SRD5A2: variants seen among roughly 807,000 people sequenced by gnomAD.
The protein encoded by SRD5A2 is steroid 5 alpha-reductase 2.
In SRD5A2, 30 loss-of-function variants were observed where a neutral mutation model predicts 27.4. The observed-to-expected ratio is 1.10, with a 90% CI of 0.82 to 1.49. The LOEUF (loss-of-function observed/expected upper bound fraction) is 1.49. SRD5A2 is among the 40% of genes most tolerant of loss of function. The pLI is 0.00. For missense variants in SRD5A2, 348 were observed against 323.4 expected (o/e 1.08, Z -0.58); for synonymous variants, 141 against 133.6 (o/e 1.06, Z -0.38).
chr2:31,524,613 CA>C lies in SRD5A2; in HGVS notation c.*1582del. The C allele has an allele frequency of 8.7e-6, 2 of 230,062 alleles. No homozygotes were observed. Among genetic ancestry groups the C allele is most frequent in the East Asian group, 6.2e-5 (1 of 16,144 alleles). 14.3% of individuals were successfully genotyped at this position (230,062 alleles called of 1,614,324 possible). On this transcript the variant is annotated 3_prime_UTR_variant, in exon 5 of 5. Transcript: ENST00000622030. ...TGATTTAAAGGTATTTAATGAACAACAAAAACACTTATTTATATGATTGCAA... is the reference window on the plus strand; with the variant it reads ...TGATTTAAAGGTATTTAATGAACAACAAAACACTTATTTATATGATTGCAA...
At chr2:31,608,279 T>G in the SRD5A2 span, among the ~76,000 whole-genome samples, 1 of 152,036 alleles carries the variant, frequency 6.6e-6, no homozygotes, top group Non-Finnish European at 1.5e-5. Context: ...TGTGCAGTAG[T>G]GCATTGTAAT....
the SRD5A2 span, among the ~76,000 whole-genome samples, chr2:31,623,325 A>G: frequency 6.6e-6 from 1 of 152,154 alleles, no homozygotes; most frequent in Non-Finnish European, 1.5e-5. Flanking sequence ...TCATTTGCAA[A>G]AAAACATGGA....
At chr2:31,601,398 T>C in the SRD5A2 span, among the ~76,000 whole-genome samples, 4 of 151,688 alleles carry the variant, frequency 2.6e-5, no homozygotes, top group Non-Finnish European at 5.9e-5. Flanking sequence ...AGACCAAAAA[T>C]GAGTTCTGAA....
the SRD5A2 span, among the ~76,000 whole-genome samples, chr2:31,596,275 C>A: frequency 6.6e-6 from 1 of 151,596 alleles, no homozygotes; most frequent in Non-Finnish European, 1.5e-5. Context: ...GTAGTCCCAG[C>A]CACTTGAGAG....
At chr2:31,587,988 A>C in the SRD5A2 span, among the ~76,000 whole-genome samples, 2 of 152,200 alleles carry the variant, frequency 1.3e-5, no homozygotes, top group East Asian at 3.9e-4. Context: ...AGAATGCATC[A>C]GAATCTTTTC....
the SRD5A2 span, among the ~76,000 whole-genome samples, chr2:31,606,317 G>A: frequency 6.6e-6 from 1 of 151,916 alleles, no homozygotes; most frequent in East Asian, 1.9e-4. Context: ...TGTAACACAA[G>A]GCATAAATGC....
At chr2:31,649,149 G>T in the SRD5A2 span, among the ~76,000 whole-genome samples, 1 of 152,166 alleles carries the variant, frequency 6.6e-6, no homozygotes, top group Non-Finnish European at 1.5e-5. Context: ...TAACTGGTTA[G>T]CAGTGCTATG....
chr2:31,526,757 G>T (rs994331579), intron 4 of SRD5A2, among the ~76,000 whole-genome samples: 1 of 152,022 alleles, frequency 6.6e-6, no homozygotes, highest in Non-Finnish European at 1.5e-5. Flanking sequence ...ATTTTGTCTC[G>T]TCAAAAGATA....
At chr2:31,585,254 C>T (rs774927532), upstream of SRD5A2, among the ~76,000 whole-genome samples, 29 of 152,120 alleles carry the variant, frequency 1.9e-4, no homozygotes, top group Non-Finnish European at 4.0e-4. Context: ...TTAGACAAGT[C>T]CTAGTACTGA....
chr2:31,528,014 G>A (rs1342329989), intron 4 of SRD5A2, among the ~76,000 whole-genome samples: 1 of 152,142 alleles, frequency 6.6e-6, no homozygotes, highest in Non-Finnish European at 1.5e-5. Flanking sequence ...ATTTACACTT[G>A]GCAAGTTAAA....
intron 1 of SRD5A2, among the ~76,000 whole-genome samples, chr2:31,539,155 T>C (rs1029660101): frequency 3.3e-5 from 5 of 152,174 alleles, no homozygotes; most frequent in African/African-American, 7.2e-5. Flanking sequence ...GAGAAGATTC[T>C]AAAAGTTGGA....
chr2:31,546,701 C>T (rs1239622055), intron 1 of SRD5A2, among the ~76,000 whole-genome samples: 5 of 152,144 alleles, frequency 3.3e-5, no homozygotes, highest in African/African-American at 1.2e-4. Flanking sequence ...TGCTCACTAA[C>T]TGGGTGATGG....
At chr2:31,533,428 T>C (rs1323377071) in intron 2 of SRD5A2, among the ~76,000 whole-genome samples, 175 bp downstream of exon 2, 1 of 152,180 alleles carries the variant, frequency 6.6e-6, no homozygotes, top group Non-Finnish European at 1.5e-5. Flanking sequence ...AATGGCATGA[T>C]ATGTGTTTAA....
chr2:31,530,935 A>G (rs1665894342), intron 3 of SRD5A2, among the ~76,000 whole-genome samples: 1 of 152,224 alleles, frequency 6.6e-6, no homozygotes, highest in Non-Finnish European at 1.5e-5. Flanking sequence ...ATGGCAGGAA[A>G]TACGCAAGTT....
the SRD5A2 span, among the ~76,000 whole-genome samples, chr2:31,636,721 T>C: frequency 7.2e-5 from 11 of 152,280 alleles, 1 homozygote; most frequent in East Asian, 1.7e-3. Context: ...GCAGGTTCTA[T>C]TGAAATAATC....
intron 1 of SRD5A2, among the ~76,000 whole-genome samples, chr2:31,577,734 G>C (rs1317540732): frequency 6.6e-6 from 1 of 152,090 alleles, no homozygotes; most frequent in African/African-American, 2.4e-5. Context: ...CCTGATGCTT[G>C]TTCCTTAATG....
intron 1 of SRD5A2, among the ~76,000 whole-genome samples, chr2:31,539,700 C>T (rs1050786349): frequency 6.6e-6 from 1 of 152,142 alleles, no homozygotes; most frequent in Admixed American, 6.6e-5. Context: ...GAATATTCAC[C>T]GTTTCCCAGT....
chr2:31,573,546 A>G (rs1283574216), intron 1 of SRD5A2, among the ~76,000 whole-genome samples: 2 of 152,212 alleles, frequency 1.3e-5, no homozygotes, highest in African/African-American at 4.8e-5. Context: ...GCAAAATTCA[A>G]TAAGTAGACA....
upstream of SRD5A2, among the ~76,000 whole-genome samples, chr2:31,583,215 T>C (rs1279061731): frequency 6.6e-6 from 1 of 152,160 alleles, no homozygotes; most frequent in African/African-American, 2.4e-5. Flanking sequence ...CTGGGATGAG[T>C]GAGCTAGCTC....
Sources: gnomAD v4.1 joint callset for allele counts (sites outside exome capture counted in the v4.1 genomes callset) on GRCh38, gnomAD v4.1.1 for gene constraint, MANE v1.5 for transcripts, NCBI Gene and HGNC (gene_info 2026-07-23, HGNC 2026-07-21) for gene names.